Variants in USP31 observed in about 807,000 individuals in gnomAD.
USP31 encodes the protein ubiquitin specific peptidase 31.
Under a neutral mutation model 119.4 loss-of-function variants are expected in USP31, and 44 were observed. The observed-to-expected ratio is 0.37, with a 90% CI of 0.29 to 0.47. The LOEUF is 0.47. USP31 is among the 20% of genes least tolerant of loss of function. The pLI is 0.99. For synonymous variants in USP31, 749 were observed against 705.6 expected (o/e 1.06, Z -0.97); for missense variants, 1,643 against 1,730.2 (o/e 0.95, Z 0.89).
chr16:23,144,081 A>G (rs28548969), intron 1 of USP31, among the ~76,000 whole-genome samples: 6,618 of 152,286 alleles, frequency 0.043, 225 homozygotes, highest in African/African-American at 0.087. Flanking sequence ...TTTAACAACC[A>G]TCTAGCCCAT....
rs571761746 is a variant in USP31, at chr16:23,095,479, A to G, written c.1235-4675T>C. Among the ~76,000 whole-genome samples, 389 of 152,326 alleles carry G rather than the reference A, an allele frequency of 2.6e-3. 1 individual carries two copies. The highest frequency in any genetic ancestry group is 4.5e-3 in the Non-Finnish European group (309 of 68,024). The stretch of plus-strand genomic sequence containing the variant: ...CCTAGCAAGGCAGGCCAACATTCAA[A>G]TTCAGGAAATATAGAGAACACCACA... On this transcript the variant is annotated intron_variant, in intron 6 of 15. Transcript: ENST00000219689.
intron 9 of USP31, among the ~76,000 whole-genome samples, chr16:23,086,530 TA>T (rs1901117204): frequency 6.6e-6 from 1 of 151,758 alleles, no homozygotes; most frequent in South Asian, 2.1e-4. Flanking sequence ...AGGAAGAGTA[TA>T]AAAAAGGGCT....
At chr16:23,134,291 T>C (rs1443334523) in intron 1 of USP31, among the ~76,000 whole-genome samples, 1 of 152,126 alleles carries the variant, frequency 6.6e-6, no homozygotes, top group Non-Finnish European at 1.5e-5. Flanking sequence ...TAACTCTAAA[T>C]ACAGAGAAAC....
intron 7 of USP31, among the ~76,000 whole-genome samples, chr16:23,088,101 C>G (rs1233808606): frequency 5.9e-5 from 9 of 152,118 alleles, no homozygotes; most frequent in Admixed American, 5.9e-4. Context: ...GGGGCAGGAT[C>G]AGTGAAGATG....
At chr16:23,079,766 G>C in intron 13 of USP31, 180 bp downstream of exon 13, 2 of 565,992 alleles carry the variant, frequency 3.5e-6, no homozygotes, top group Non-Finnish European at 5.9e-6. Context: ...CTCAGGAAAA[G>C]GAGGAAGAAT....
intron 2 of USP31, among the ~76,000 whole-genome samples, 195 bp from the exon 3 acceptor site, chr16:23,106,682 C>T (rs1424572913): frequency 6.6e-6 from 1 of 152,198 alleles, no homozygotes; most frequent in African/African-American, 2.4e-5. Context: ...CATCCCCTCA[C>T]ACAGACTCTG....
At chr16:23,092,337 T>G (rs1901401147) in intron 6 of USP31, among the ~76,000 whole-genome samples, 3 of 152,318 alleles carry the variant, frequency 2.0e-5, no homozygotes, top group Non-Finnish European at 4.4e-5. Context: ...TGAGAAACTT[T>G]CAGTTGAACA....
intron 1 of USP31, among the ~76,000 whole-genome samples, chr16:23,120,787 C>T (rs529300298): frequency 4.6e-5 from 7 of 152,252 alleles, no homozygotes; most frequent in African/African-American, 2.4e-5. Context: ...TGCTCCTCTC[C>T]GAAGTGGAAG....
At chr16:23,087,605 G>C in intron 8 of USP31, 119 bp downstream of exon 8, 1 of 887,200 alleles carries the variant, frequency 1.1e-6, no homozygotes, top group Non-Finnish European at 1.7e-6. Context: ...TTCATAAAAT[G>C]AGGGATAAAT....
chr16:23,102,295 T>C, intron 6 of USP31, 24 bp downstream of exon 6: 1 of 1,603,128 alleles, frequency 6.2e-7, no homozygotes, highest in South Asian at 1.1e-5. Context: ...CCAGGTGGCA[T>C]TATGGAAACA....
intron 13 of USP31, among the ~76,000 whole-genome samples, chr16:23,075,004 T>A (rs1900503600): frequency 6.6e-6 from 1 of 151,638 alleles, no homozygotes; most frequent in African/African-American, 2.4e-5. Flanking sequence ...GCACCAGGAG[T>A]GACTCCTTCA....
intron 1 of USP31, among the ~76,000 whole-genome samples, chr16:23,138,541 G>A (rs1903259771): frequency 6.6e-6 from 1 of 152,056 alleles, no homozygotes; most frequent in Admixed American, 6.6e-5. Context: ...ATTATTTGGT[G>A]CCTACCTCTG....
intron 6 of USP31, among the ~76,000 whole-genome samples, chr16:23,095,585 G>A (rs1225302677): frequency 6.6e-6 from 1 of 152,170 alleles, no homozygotes; most frequent in Non-Finnish European, 1.5e-5. Flanking sequence ...AAAATGTTAA[G>A]GGCAGCCAGA....
At chr16:23,094,960 C>T (rs1401492004) in intron 6 of USP31, among the ~76,000 whole-genome samples, 2 of 152,176 alleles carry the variant, frequency 1.3e-5, no homozygotes, top group Non-Finnish European at 2.9e-5. Context: ...CTCCAAGGAT[C>T]GCAGTTCCTC....
In USP31 at chr16:23,085,610, C is replaced by T. The variant is rs1037926087; in HGVS notation, c.1675G>A (p.Glu559Lys). 2 of 1,614,016 alleles carry T rather than the reference C, an allele frequency of 1.2e-6. No homozygotes were observed. The highest frequency in any genetic ancestry group is 1.1e-5 in the South Asian group (1 of 91,066). ...GGTAHVKLVV[E>K]WDKETRDFLF... ...AAATCTCTTGTCTCCTTGTCCCACT[C>T]GACTACTAATTTCACATGAGCAGTG... The change falls in exon 10 of 16, where the codon GAG (glutamate) becomes AAG (lysine). Residue 559 changes from glutamate to lysine, a missense_variant. By Grantham distance (56) the Glu-to-Lys change is moderately conservative. Coordinates refer to ENST00000219689, the MANE Select transcript of USP31 (RefSeq NM_020718.4).
chr16:23,141,863 C>T (rs954401741), intron 1 of USP31, among the ~76,000 whole-genome samples: 1 of 152,136 alleles, frequency 6.6e-6, no homozygotes, highest in East Asian at 1.9e-4. Flanking sequence ...GTTAGAAAAT[C>T]AAATTTGTAG....
In USP31 at chr16:23,087,101, A is replaced by T. The variant is rs13339649; in HGVS notation, c.1613T>A (p.Ile538Lys). 6.2e-7 allele frequency: 1 copy of T among 1,611,924 alleles called. No homozygotes were observed. The highest frequency in any genetic ancestry group is 1.7e-5 in the Admixed American group (1 of 59,672). Residue 538 changes from isoleucine to lysine, a missense_variant, in exon 9 of 16, where the codon ATA becomes AAA. Coordinates refer to ENST00000219689, the MANE Select transcript of USP31 (RefSeq NM_020718.4). Reference protein sequence around the residue: ...PQEEQPLCHPIVERALKSCGP... With the variant: ...PQEEQPLCHPKVERALKSCGP... ...AAAAAATTTTTTTTACCTTTCTACTATTGGGTGGCACAAGGGCTGCTCCTC... is the reference window on the plus strand; with the variant it reads ...AAAAAATTTTTTTTACCTTTCTACTTTTGGGTGGCACAAGGGCTGCTCCTC...
Position 23,068,829 on chromosome 16 carries a change from A to T in USP31, c.3276T>A (p.Pro1092=). The change falls in exon 16 of 16, where the codon CCT becomes CCA. Residue 1092 remains proline (P), a synonymous_variant. Coordinates refer to ENST00000219689, the MANE Select transcript of USP31 (RefSeq NM_020718.4). ...RGSGRHSSPA[P]AQPKKESSPK... is the part of the protein sequence containing the mutation. ...GGGATGACTCCTTTTTGGGTTGGGCAGGGGCAGGGGATGAATGCCGTCCAC... is the reference window on the plus strand; with the variant it reads ...GGGATGACTCCTTTTTGGGTTGGGCTGGGGCAGGGGATGAATGCCGTCCAC... 1 of 1,558,026 alleles carries T rather than the reference A, an allele frequency of 6.4e-7. No individual in the cohort carries two copies. The highest frequency in any genetic ancestry group is 8.7e-7 in the Non-Finnish European group (1 of 1,155,364).
intron 1 of USP31, among the ~76,000 whole-genome samples, chr16:23,122,362 G>A (rs561169706): frequency 7.2e-5 from 11 of 152,284 alleles, no homozygotes; most frequent in Admixed American, 2.6e-4. Context: ...CACAGTGCTC[G>A]TGGGAATAAA....
Sources: allele counts gnomAD v4.1 joint callset (sites outside exome capture counted in the v4.1 genomes callset), GRCh38; gene constraint gnomAD v4.1.1; transcripts MANE v1.5; gene names NCBI Gene and HGNC (gene_info 2026-07-23, HGNC 2026-07-21).